Variants in LNX1 observed in about 807,000 individuals in gnomAD.
LNX1 encodes ligand of numb-protein X 1.
In LNX1, 54 loss-of-function variants were observed where a neutral mutation model predicts 68.4. The observed-to-expected ratio is 0.79, with a 90% CI of 0.63 to 0.99. The LOEUF (loss-of-function observed/expected upper bound fraction) is 0.99, where lower values mean the gene tolerates loss of function less well. Ranked by LOEUF, LNX1 falls within the 50% of genes least tolerant of loss-of-function variation. The pLI is 0.00. For synonymous variants in LNX1, 336 were observed against 350.0 expected (o/e 0.96, Z 0.45); for missense variants, 906 against 926.4 (o/e 0.98, Z 0.29).
intron 2 of LNX1, among the ~76,000 whole-genome samples, chr4:53,562,850 A>G (rs1289195305): frequency 6.6e-6 from 1 of 152,230 alleles, no homozygotes; most frequent in East Asian, 1.9e-4. Context: ...ATTTCACAAT[A>G]TATACATATT....
In LNX1 at chr4:53,469,665, A is replaced by T. The variant is rs1029979166; in HGVS notation, c.1892+7088T>A. Reference sequence around the variant, plus strand: ...AAAAAATGACAAAGGGGATATCACCACCAATCCCACAGAAATACAAATTAC... The same window carrying T: ...AAAAAATGACAAAGGGGATATCACCTCCAATCCCACAGAAATACAAATTAC... On this transcript the variant is annotated intron_variant, in intron 9 of 10. Coordinates refer to ENST00000263925, the MANE Select transcript of LNX1 (RefSeq NM_001126328.3). Among the ~76,000 whole-genome samples the T allele has an allele frequency of 3.7e-4, 57 of 152,362 alleles. 1 individual carries two copies. The highest frequency in any genetic ancestry group is 1.3e-4 in the Admixed American group (2 of 15,304).
At chr4:53,550,915 C>A (rs1478736175) in intron 2 of LNX1, among the ~76,000 whole-genome samples, 1 of 152,184 alleles carries the variant, frequency 6.6e-6, no homozygotes, top group East Asian at 1.9e-4. Context: ...AAAATGGAGG[C>A]AAGCAACCTC....
At chr4:53,550,653 T>C (rs953708787) in intron 2 of LNX1, among the ~76,000 whole-genome samples, 3 of 152,210 alleles carry the variant, frequency 2.0e-5, no homozygotes, top group African/African-American at 4.8e-5. Flanking sequence ...TCCCGACTCA[T>C]TCACCCCAGA....
chr4:53,546,117 T>A (rs1478618313), intron 2 of LNX1, among the ~76,000 whole-genome samples: 1 of 152,224 alleles, frequency 6.6e-6, no homozygotes, highest in African/African-American at 2.4e-5. Flanking sequence ...AGAGGCCACA[T>A]TTTTAATCAA....
At chr4:53,467,396 CAG>C (rs1553929503) in intron 9 of LNX1, among the ~76,000 whole-genome samples, 2 of 152,140 alleles carry the variant, frequency 1.3e-5, no homozygotes, top group Non-Finnish European at 1.5e-5. Flanking sequence ...GGAGAAAAAA[CAG>C]AGCAGAAAAA....
Position 53,481,820 on chromosome 4 carries a change from C to T in LNX1, c.1385G>A (p.Arg462His), listed in dbSNP as rs759110642. The T allele has an allele frequency of 1.6e-5, 26 of 1,611,110 alleles. No individual in the cohort carries two copies. The highest frequency in any genetic ancestry group is 5.0e-5 in the Admixed American group (3 of 59,666). The part of the protein sequence containing the change: ...SERRVHLVVS[R>H]QVRQRSPDIF... The stretch of plus-strand genomic sequence containing the variant: ...GTCAGGGCTCCGCTGCCGAACCTGG[C>T]GGGACACGACGAGGTGAACACGTCT... Residue 462 changes from arginine to histidine, a missense_variant, in exon 7 of 11, where the codon CGC becomes CAC. By Grantham distance (29) the Arg-to-His change is conservative. Transcript: ENST00000263925.
chr4:53,507,668 T>C (rs185714479), intron 3 of LNX1, among the ~76,000 whole-genome samples, 199 bp from the exon 4 acceptor site: 2 of 152,330 alleles, frequency 1.3e-5, no homozygotes, highest in Admixed American at 6.5e-5. Context: ...TGCTTTTCTT[T>C]TTTGTTTCTG....
chr4:53,540,958 G>A lies in LNX1; in HGVS notation c.380+32665C>T, dbSNP rs763288143. On this transcript the variant is annotated intron_variant, in intron 2 of 10. Transcript: ENST00000263925. ...TCAAGACTAGCCTGGCCAACATGGTGAAACCCTGTCTCTTCTAAAAATACA... is the reference window on the plus strand; with the variant it reads ...TCAAGACTAGCCTGGCCAACATGGTAAAACCCTGTCTCTTCTAAAAATACA... Among the ~76,000 whole-genome samples the A allele has an allele frequency of 5.7e-4, 86 of 151,968 alleles. 1 individual carries two copies. The highest frequency in any genetic ancestry group is 1.2e-4 in the Non-Finnish European group (8 of 67,988).
At chr4:53,476,522 C>A (rs1482458526) in intron 9 of LNX1, among the ~76,000 whole-genome samples, 1 of 152,172 alleles carries the variant, frequency 6.6e-6, no homozygotes, top group Admixed American at 6.5e-5. Context: ...AGCTCCTCAA[C>A]CTGAACGCCA....
intron 2 of LNX1, among the ~76,000 whole-genome samples, chr4:53,528,817 G>A (rs1323490060): frequency 1.3e-5 from 2 of 152,154 alleles, no homozygotes; most frequent in African/African-American, 4.8e-5. Flanking sequence ...GGAGAAGCAT[G>A]TGATCAAACC....
chr4:53,625,859 G>C (rs922341232), intron 1 of LNX1, among the ~76,000 whole-genome samples: 37 of 151,312 alleles, frequency 2.4e-4, no homozygotes, highest in African/African-American at 9.0e-4. Flanking sequence ...GTGTGTGTGT[G>C]TGTGTGTGTG....
At chr4:53,649,284 G>A (rs1443523774) in intron 1 of LNX1, among the ~76,000 whole-genome samples, 1 of 152,090 alleles carries the variant, frequency 6.6e-6, no homozygotes, top group Non-Finnish European at 1.5e-5. Flanking sequence ...TTTTCCATAT[G>A]CTATGCATTT....
chr4:53,527,395 G>T (rs1727694852), intron 2 of LNX1, among the ~76,000 whole-genome samples: 1 of 152,084 alleles, frequency 6.6e-6, no homozygotes, highest in South Asian at 2.1e-4. Context: ...CCTATATGAT[G>T]GCTTCAAAAT....
chr4:53,540,519 G>GAAAATACAAAAAATACAA (rs1406915009), intron 2 of LNX1, among the ~76,000 whole-genome samples: 18 of 151,508 alleles, frequency 1.2e-4, no homozygotes, highest in Middle Eastern at 6.9e-3. Flanking sequence ...CGTCTCTACT[G>GAAAATACAAAAAATACAA]AAAATACAAA....
In LNX1 at chr4:53,496,006, A is replaced by C. The variant is rs1371276660; in HGVS notation, c.1350+17T>G. The C allele has an allele frequency of 1.2e-6, 2 of 1,601,082 alleles. No individual in the cohort carries two copies. Among genetic ancestry groups the C allele is most frequent in the African/African-American group, 1.3e-5 (1 of 74,680 alleles). On this transcript the variant is annotated intron_variant, in intron 6 of 10. Coordinates refer to ENST00000263925, the MANE Select transcript of LNX1 (RefSeq NM_001126328.3). ...CCGGGGTTTCTGACTGGGATCCTGGAATGACCTCTGACTCACCTGAATCAG... is the reference window on the plus strand; with the variant it reads ...CCGGGGTTTCTGACTGGGATCCTGGCATGACCTCTGACTCACCTGAATCAG...
At chr4:53,576,024 G>A in intron 1 of LNX1, 1 of 1,570,970 alleles carries the variant, frequency 6.4e-7, no homozygotes, top group South Asian at 1.2e-5. Flanking sequence ...CCACCAGCCT[G>A]AAGCCCAACA....
chr4:53,579,212 G>T, intron 1 of LNX1: 3 of 961,912 alleles, frequency 3.1e-6, no homozygotes, highest in Non-Finnish European at 3.7e-6. Context: ...GCAGTTTAGA[G>T]TAAGAAAGAG....
At position 53,460,296 on chromosome 4, in the gene LNX1, T is replaced by TTAA. The variant is rs1178209653; in HGVS notation, c.*608_*610dup. 5.3e-6 allele frequency: 1 copy of TTAA among 190,206 alleles called. No homozygotes were observed. The highest frequency in any genetic ancestry group is 1.1e-5 in the Non-Finnish European group (1 of 90,704). The allele number at this position is 190,206 out of a possible 1,614,324, so 11.8% of individuals were successfully genotyped here. On this transcript the variant is annotated 3_prime_UTR_variant, in exon 11 of 11. Coordinates refer to ENST00000263925, the MANE Select transcript of LNX1 (RefSeq NM_001126328.3). ...TACTAAAAACAAAACAAGTTTATAA[T>TTAA]TAATTCTCTGAGCGAGCATTTTTAG...
At chr4:53,570,228 G>A (rs1577731971) in intron 2 of LNX1, among the ~76,000 whole-genome samples, 1 of 145,940 alleles carries the variant, frequency 6.9e-6, no homozygotes, top group South Asian at 2.3e-4. Context: ...TGTTTATTGC[G>A]GCATTATTCA....
Sources: gnomAD v4.1 joint callset for allele counts (sites outside exome capture counted in the v4.1 genomes callset) on GRCh38, gnomAD v4.1.1 for gene constraint, MANE v1.5 for transcripts, NCBI Gene and HGNC (gene_info 2026-07-23, HGNC 2026-07-21) for gene names.